UST: variants seen among roughly 807,000 people sequenced by gnomAD.
UST encodes the protein chondroitin sulfate 2-O-sulfotransferase.
Under a neutral mutation model 45.6 loss-of-function variants are expected in UST, and 21 were observed. The ratio of observed to expected loss-of-function variants is 0.46; its 90% CI spans 0.33 to 0.66. The LOEUF (loss-of-function observed/expected upper bound fraction) is 0.66, where lower values mean the gene tolerates loss of function less well. UST is among the 30% of genes least tolerant of loss of function. UST has a pLI of 0.02. For missense variants in UST, 463 were observed against 512.4 expected (o/e 0.90, Z 0.93); for synonymous variants, 215 against 200.6 (o/e 1.07, Z -0.61).
At chr6:148,994,903 A>G (rs1353862534) in intron 5 of UST, among the ~76,000 whole-genome samples, 7 of 152,238 alleles carry the variant, frequency 4.6e-5, no homozygotes, top group African/African-American at 1.4e-4. Flanking sequence ...TAGATTCAAA[A>G]CTCAAAGTGC....
intron 1 of UST, among the ~76,000 whole-genome samples, chr6:148,861,460 A>T (rs1206184492): frequency 6.6e-6 from 1 of 151,948 alleles, no homozygotes; most frequent in African/African-American, 2.4e-5. Context: ...TCCTGGATTC[A>T]TTGATTTTTT....
chr6:149,011,376 C>A (rs897063146), intron 5 of UST, among the ~76,000 whole-genome samples: 19 of 152,084 alleles, frequency 1.2e-4, no homozygotes, highest in African/African-American at 4.3e-4. Context: ...CATAGTTGGA[C>A]AGAATTAATA....
At chr6:148,866,946 T>C (rs1040903388) in intron 1 of UST, among the ~76,000 whole-genome samples, 8 of 152,102 alleles carry the variant, frequency 5.3e-5, no homozygotes, top group Non-Finnish European at 8.8e-5. Context: ...GAAACGGTCA[T>C]GGCCTCGAGG....
chr6:148,997,548 A>T (rs1781474414), intron 5 of UST, among the ~76,000 whole-genome samples: 1 of 152,114 alleles, frequency 6.6e-6, no homozygotes, highest in Admixed American at 6.6e-5. Context: ...ATGTTCTCTA[A>T]TATTTTTATT....
intron 5 of UST, among the ~76,000 whole-genome samples, chr6:148,978,588 C>G (rs931351281): frequency 6.6e-6 from 1 of 152,000 alleles, no homozygotes; most frequent in African/African-American, 2.4e-5. Context: ...AACCAAACAC[C>G]GCATGTTCTC....
At chr6:148,788,300 TG>T (rs1310989033) in intron 1 of UST, among the ~76,000 whole-genome samples, 1 of 152,116 alleles carries the variant, frequency 6.6e-6, no homozygotes, top group African/African-American at 2.4e-5. Flanking sequence ...AGATGAGATT[TG>T]GGTGAGGACA....
intron 1 of UST, among the ~76,000 whole-genome samples, chr6:148,842,895 T>C (rs1363864862): frequency 1.3e-5 from 2 of 152,184 alleles, no homozygotes; most frequent in Admixed American, 1.3e-4. Context: ...GATGACATAC[T>C]CTGTGTGGTT....
At chr6:148,863,139 A>T (rs1463627662) in intron 1 of UST, among the ~76,000 whole-genome samples, 1 of 152,186 alleles carries the variant, frequency 6.6e-6, no homozygotes, top group Non-Finnish European at 1.5e-5. Flanking sequence ...TACACCAATC[A>T]GACGTAGATT....
intron 5 of UST, among the ~76,000 whole-genome samples, chr6:149,016,412 G>T (rs1383244490): frequency 6.6e-6 from 1 of 152,174 alleles, no homozygotes; most frequent in Non-Finnish European, 1.5e-5. Context: ...CCCTGGCAGG[G>T]TCAGCAAATG....
intron 2 of UST, among the ~76,000 whole-genome samples, chr6:148,902,805 C>T (rs1779285646): frequency 6.6e-6 from 1 of 151,900 alleles, no homozygotes; most frequent in South Asian, 2.1e-4. Context: ...GTCTTTTTTG[C>T]TCTACTGTCT....
chr6:148,783,212 T>C (rs751557136), intron 1 of UST, among the ~76,000 whole-genome samples: 7 of 152,222 alleles, frequency 4.6e-5, no homozygotes, highest in Non-Finnish European at 8.8e-5. Flanking sequence ...ATACATTATT[T>C]TTAGATATAA....
intron 1 of UST, among the ~76,000 whole-genome samples, chr6:148,842,422 G>C (rs1777907877): frequency 6.6e-6 from 1 of 152,176 alleles, no homozygotes; most frequent in African/African-American, 2.4e-5. Context: ...AGCTATTTGA[G>C]AGAGATTGCA....
chr6:148,780,494 T>C (rs1776624270), intron 1 of UST, among the ~76,000 whole-genome samples: 1 of 152,162 alleles, frequency 6.6e-6, no homozygotes, highest in Non-Finnish European at 1.5e-5. Flanking sequence ...TGTGTCCATG[T>C]GTTCTCATCA....
chr6:148,890,306 G>T (rs1000764848), intron 2 of UST, among the ~76,000 whole-genome samples: 2 of 152,096 alleles, frequency 1.3e-5, no homozygotes, highest in African/African-American at 2.4e-5. Context: ...CCTGGGGTGG[G>T]GCCTCAGTGG....
intron 2 of UST, among the ~76,000 whole-genome samples, chr6:148,932,241 A>G (rs1329621107): frequency 6.6e-6 from 1 of 152,148 alleles, no homozygotes; most frequent in Non-Finnish European, 1.5e-5. Flanking sequence ...TTAGCCAGGC[A>G]TGATGCTGTG....
At chr6:148,831,397 C>T (rs1358678244) in intron 1 of UST, among the ~76,000 whole-genome samples, 4 of 152,250 alleles carry the variant, frequency 2.6e-5, no homozygotes, top group East Asian at 1.9e-4. Flanking sequence ...ATAGGAAATT[C>T]GCCTTATAGT....
intron 3 of UST, among the ~76,000 whole-genome samples, chr6:148,951,489 G>A (rs532708218): frequency 6.6e-6 from 1 of 152,266 alleles, no homozygotes; most frequent in Non-Finnish European, 1.5e-5. Flanking sequence ...TCAGACTAAA[G>A]GCCAGGAGTG....
intron 1 of UST, among the ~76,000 whole-genome samples, chr6:148,880,856 C>G (rs145045840): frequency 6.6e-6 from 1 of 151,882 alleles, no homozygotes; most frequent in Admixed American, 6.6e-5. Flanking sequence ...GGTGAAACCC[C>G]ATCTCTACTA....
At chr6:149,041,744 C>G (rs1424540430) in intron 7 of UST, among the ~76,000 whole-genome samples, 1 of 152,170 alleles carries the variant, frequency 6.6e-6, no homozygotes, top group Non-Finnish European at 1.5e-5. Context: ...GGACAGATTC[C>G]CCCGCTACAT....
Sources: allele counts gnomAD v4.1 joint callset (sites outside exome capture counted in the v4.1 genomes callset), GRCh38; gene constraint gnomAD v4.1.1; transcripts MANE v1.5; gene names NCBI Gene and HGNC (gene_info 2026-07-23, HGNC 2026-07-21).